RFFL: variants seen among roughly 807,000 people sequenced by gnomAD.
RFFL encodes E3 ubiquitin-protein ligase rififylin.
RFFL carries 16 observed loss-of-function variants against 40.4 expected under a neutral mutation model. The observed-to-expected ratio is 0.40, with a 90% confidence interval of 0.27 to 0.60. The LOEUF is 0.60. RFFL is among the 20% of genes least tolerant of loss of function. RFFL has a pLI of 0.47. For synonymous variants in RFFL, 154 were observed against 167.9 expected (o/e 0.92, Z 0.64); for missense variants, 367 against 451.7 (o/e 0.81, Z 1.70).
chr17:35,055,210 G>C (rs2091253720), intron 1 of RFFL, among the ~76,000 whole-genome samples: 1 of 151,828 alleles, frequency 6.6e-6, no homozygotes, highest in Non-Finnish European at 1.5e-5. Context: ...GAGCCACAGC[G>C]CCCGGCCAAT....
intron 1 of RFFL, among the ~76,000 whole-genome samples, chr17:35,036,037 T>C (rs1203012205): frequency 1.3e-5 from 2 of 152,044 alleles, no homozygotes; most frequent in African/African-American, 2.4e-5. Context: ...AAAAGAAACA[T>C]GTCCTAATGT....
Position 35,014,750 on chromosome 17 carries a change from T to TTTTCAG in RFFL, c.899_900insCTGAAA (p.Glu300delinsAspTer). On this transcript the variant is annotated stop_gained and protein_altering_variant, in exon 6 of 7. Transcript: ENST00000394597. LOFTEE classifies it high-confidence loss of function. ...GAAACAACTACATACCGTTTTGGTCTTCGGCACCACTGACTGAAAAGGAAA... is the reference window on the plus strand; with the variant it reads ...GAAACAACTACATACCGTTTTGGTCTTTTCAGTCGGCACCACTGACTGAAAAGGAAA... 1 of 1,613,818 alleles carries TTTTCAG rather than the reference T, an allele frequency of 6.2e-7. No individual in the cohort carries two copies.
intron 1 of RFFL, among the ~76,000 whole-genome samples, chr17:35,037,636 AG>A (rs1442920189): frequency 6.6e-6 from 1 of 152,178 alleles, no homozygotes; most frequent in Non-Finnish European, 1.5e-5. Context: ...TCCCATTTTC[AG>A]GTGAGAAAAA....
chr17:35,074,522 G>A (rs905035675), intron 1 of RFFL: 1 of 152,170 alleles, frequency 6.6e-6, no homozygotes, highest in Non-Finnish European at 1.5e-5. Context: ...TCACCCAGTA[G>A]TTGACAGCTC....
chr17:35,014,890 T>G, intron 5 of RFFL, 127 bp from the exon 6 acceptor site: 1 of 855,510 alleles, frequency 1.2e-6, no homozygotes, highest in Non-Finnish European at 2.0e-6. Context: ...GCCAAGAGCC[T>G]AGATGGACAT....
upstream of RFFL, among the ~76,000 whole-genome samples, chr17:35,065,293 C>A (rs538413613): frequency 6.6e-6 from 1 of 152,088 alleles, no homozygotes; most frequent in Non-Finnish European, 1.5e-5. Context: ...CAGCGGTTCA[C>A]GCCTATAATT....
At chr17:35,017,267 GA>G (rs1289387638) in intron 4 of RFFL, among the ~76,000 whole-genome samples, 1 of 152,030 alleles carries the variant, frequency 6.6e-6, no homozygotes, top group Non-Finnish European at 1.5e-5. Context: ...GCAGCTCTTA[GA>G]AAGTCAAGAG....
Position 35,076,940 on chromosome 17 carries a change from A to G in RFFL, c.-9+12165T>C, listed in dbSNP as rs1473194352. On this transcript the variant is annotated intron_variant, in intron 1 of 6. Transcript: ENST00000315249. ...AAAATTGTATACAGCAAATTCGGGC[A>G]TGGATTCTGTGAAAGAACACCACCT... 2.8e-5 allele frequency: 8 copies of G among 289,694 alleles called. 2 individuals are homozygous for G. Among genetic ancestry groups the G allele is most frequent in the Admixed American group, 2.7e-4 (8 of 29,438 alleles). The allele number at this position is 289,694 out of a possible 1,614,324, so 17.9% of individuals were successfully genotyped here. A position where few individuals can be genotyped will look rare whatever the true frequency, so the allele number is the denominator to read the frequency against.
At position 35,026,629 on chromosome 17, in the gene RFFL, G is replaced by A. The variant is rs987362066; in HGVS notation, c.-8-68C>T. ...CACCTCTACTGTCCTTTTGATGTCC[G>A]AGAGCACAGGTGAGCAGTGACACTC... On this transcript the variant is annotated intron_variant, in intron 1 of 6. Transcript: ENST00000394597. 2.0e-5 allele frequency: 26 copies of A among 1,295,586 alleles called. No individual in the cohort carries two copies. The Admixed American group carries it at 3.9e-4, about 19-fold the overall frequency. 80.3% of individuals were successfully genotyped at this position (1,295,586 alleles called of 1,614,324 possible).
intron 1 of RFFL, chr17:35,069,440 C>T (rs569662607): frequency 3.6e-5 from 15 of 411,176 alleles, no homozygotes; most frequent in Admixed American, 2.5e-4. Context: ...TAAAAGGATA[C>T]GACTGCACAG....
chr17:35,024,351 C>T (rs142849296), intron 2 of RFFL, among the ~76,000 whole-genome samples: 9 of 152,266 alleles, frequency 5.9e-5, no homozygotes, highest in Admixed American at 2.0e-4. Flanking sequence ...CCCTTACCAG[C>T]ACCTAAGACC....
rs767914122 is a variant in RFFL at position 35,021,375 on chromosome 17, T to C, written c.587A>G (p.Gln196Arg). The C allele has an allele frequency of 2.0e-6, 3 of 1,519,496 alleles. No homozygotes were observed. Among genetic ancestry groups the C allele is most frequent in the Non-Finnish European group, 2.6e-6 (3 of 1,135,892 alleles). The allele number at this position is 1,519,496 out of a possible 1,614,324, so 94.1% of individuals were successfully genotyped here. The change falls in exon 3 of 7, where the codon CAG becomes CGG. Residue 196 changes from glutamine to arginine, a missense_variant. Gln to Arg is a conservative substitution (Grantham distance 43). Transcript: ENST00000394597. The stretch of plus-strand genomic sequence containing the variant: ...AGACTACAAATGGGCCCTTACCTGC[T>C]GATTCTCCTGAACCTGGGCTGGGGG... Reference protein sequence around the residue: ...SVPPAQVQENQQANGHVSQDQ... With the variant: ...SVPPAQVQENRQANGHVSQDQ...
rs1946613516 is a variant in RFFL at position 35,008,485 on chromosome 17, G to C, written c.*3483C>G. The C allele has an allele frequency of 6.6e-6, 1 of 151,640 alleles. No individual in the cohort carries two copies. The highest frequency in any genetic ancestry group is 1.5e-5 in the Non-Finnish European group (1 of 67,916). The allele number at this position is 151,640 out of a possible 1,614,324, so 9.4% of individuals were successfully genotyped here. ...GTCTCACTCTGTCACCCTGGCTGGAGTGCGGTGGCGATCAGAGCTCACTGC... is the reference window on the plus strand; with the variant it reads ...GTCTCACTCTGTCACCCTGGCTGGACTGCGGTGGCGATCAGAGCTCACTGC... On this transcript the variant is annotated 3_prime_UTR_variant, in exon 7 of 7. Coordinates refer to ENST00000394597, the MANE Select transcript of RFFL (RefSeq NM_001017368.2).
intron 1 of RFFL, among the ~76,000 whole-genome samples, chr17:35,048,384 A>T (rs1196921894): frequency 6.6e-6 from 1 of 152,142 alleles, no homozygotes; most frequent in Non-Finnish European, 1.5e-5. Flanking sequence ...CCTGGGCGAC[A>T]GAGCGAGACT....
intron 1 of RFFL, among the ~76,000 whole-genome samples, chr17:35,047,795 A>G (rs2091208591): frequency 6.7e-6 from 1 of 148,754 alleles, no homozygotes; most frequent in Middle Eastern, 3.2e-3. Context: ...TCTGTCACCC[A>G]GGCTGGAATG....
chr17:35,025,889 T>C lies in RFFL; in HGVS notation c.180+485A>G, dbSNP rs77161057. Among the ~76,000 whole-genome samples, 11 of 152,380 alleles carry C rather than the reference T, an allele frequency of 7.2e-5. No homozygotes were observed. In the East Asian group the frequency reaches 2.1e-3, roughly 29 times the overall value. On this transcript the variant is annotated intron_variant, in intron 2 of 6. Coordinates refer to ENST00000394597, the MANE Select transcript of RFFL (RefSeq NM_001017368.2). ...GCTCCAGTCTTTGTTATGGTCTTCA[T>C]GTACCTGAGGCATCCTTAACGTTGC...
chr17:35,057,008 C>T (rs542996833), intron 1 of RFFL, among the ~76,000 whole-genome samples: 6 of 151,164 alleles, frequency 4.0e-5, no homozygotes, highest in South Asian at 2.1e-4. Context: ...ATCCACCTCC[C>T]GGGTTCCAAC....
chr17:35,030,712 G>A (rs2091077360), intron 1 of RFFL, among the ~76,000 whole-genome samples: 1 of 152,026 alleles, frequency 6.6e-6, no homozygotes, highest in Non-Finnish European at 1.5e-5. Flanking sequence ...TGGCATTACA[G>A]TTGTGAGCCA....
rs564181686 is a variant in RFFL, at chr17:35,088,475, G to C, written c.-9+630C>G. On this transcript the variant is annotated intron_variant, in intron 1 of 6. Transcript: ENST00000315249. ...GGTTCGCCAGACTTCCCCATGTCTG[G>C]TCAACTGTCTCCTGGGCAGCCGGCT... Among the ~76,000 whole-genome samples the C allele has an allele frequency of 7.9e-5, 12 of 152,308 alleles. 1 individual carries two copies. The highest frequency in any genetic ancestry group is 2.6e-4 in the African/African-American group (11 of 41,580).
Sources: gnomAD v4.1 joint callset for allele counts (sites outside exome capture counted in the v4.1 genomes callset) on GRCh38, gnomAD v4.1.1 for gene constraint, MANE v1.5 for transcripts, NCBI Gene and HGNC (gene_info 2026-07-23, HGNC 2026-07-21) for gene names.